Variants in KMT2C observed in about 807,000 individuals in gnomAD.
KMT2C encodes lysine methyltransferase 2C, also known as histone-lysine N-methyltransferase 2C.
In KMT2C, 88 loss-of-function variants were observed where a neutral mutation model predicts 507.9. The observed-to-expected ratio is 0.17, with a 90% CI of 0.15 to 0.21. The LOEUF (loss-of-function observed/expected upper bound fraction) is 0.21. Among genes scored for constraint, KMT2C ranks in the 10% least tolerant of loss-of-function variants. The pLI is 1.00. For synonymous variants in KMT2C, 2,049 were observed against 2,080.8 expected (o/e 0.98, Z 0.42); for missense variants, 4,954 against 5,957.8 (o/e 0.83, Z 5.55).
At chr7:152,275,012 T>A (rs556756707) in intron 6 of KMT2C, among the ~76,000 whole-genome samples, 2 of 152,326 alleles carry the variant, frequency 1.3e-5, no homozygotes, top group African/African-American at 2.4e-5. Flanking sequence ...ACACAGACAG[T>A]TGGACCCTGC....
chr7:152,376,130 G>C (rs1224640364), intron 1 of KMT2C, among the ~76,000 whole-genome samples: 2 of 151,336 alleles, frequency 1.3e-5, no homozygotes, highest in Non-Finnish European at 3.0e-5. Flanking sequence ...AATTGTTTTG[G>C]AACACCATGA....
At chr7:152,283,759 G>A (rs1304882548) in intron 6 of KMT2C, among the ~76,000 whole-genome samples, 1 of 152,068 alleles carries the variant, frequency 6.6e-6, no homozygotes, top group African/African-American at 2.4e-5. Flanking sequence ...CAGATTTCCA[G>A]TACCTGCCAA....
rs2092581307 is a variant in KMT2C, at chr7:152,163,733, G to T, written c.9844C>A (p.Pro3282Thr). The T allele has an allele frequency of 1.3e-5, 21 of 1,614,166 alleles. No homozygotes were observed. The East Asian group carries it at 4.7e-4, about 36-fold the overall frequency. Residue 3282 changes from proline (P) to threonine (T), a missense_variant, in exon 43 of 59, where the codon CCC becomes ACC. This residue lies in a region of KMT2C where 801 missense variants were observed against 751.2 expected (regional missense o/e 1.07). Transcript: ENST00000262189. The stretch of plus-strand genomic sequence containing the variant: ...AGGGGTGGCTGGGGCTGGACACTGG[G>T]CATCATGGTAGGTGGGGCCATTGCA... ...QCAMAPPTMMPSVQPQPPLIP... is the reference protein window; with the variant it reads ...QCAMAPPTMMTSVQPQPPLIP...
At chr7:152,275,727 T>A (rs975203014) in intron 6 of KMT2C, among the ~76,000 whole-genome samples, 2 of 152,208 alleles carry the variant, frequency 1.3e-5, no homozygotes, top group African/African-American at 2.4e-5. Flanking sequence ...ACCTCGGTAG[T>A]CTAAATGTCT....
chr7:152,153,731 T>TAA (rs34303062), intron 48 of KMT2C, among the ~76,000 whole-genome samples: 29 of 129,440 alleles, frequency 2.2e-4, no homozygotes, highest in East Asian at 6.5e-4. Flanking sequence ...GTGTCTCTAT[T>TAA]AAAAAAAAAA....
intron 1 of KMT2C, among the ~76,000 whole-genome samples, chr7:152,377,734 C>CAAAAA (rs59181675): frequency 0.022 from 1,404 of 62,516 alleles, 45 homozygotes; most frequent in African/African-American, 0.065. Flanking sequence ...GACTCCGTCT[C>CAAAAA]AAAAAAAAAA....
At position 152,187,847 on chromosome 7, in the gene KMT2C, T is replaced by C. The variant is rs766537032; in HGVS notation, c.4661A>G (p.Asp1554Gly). The change falls in exon 32 of 59, where the codon GAT becomes GGT. Residue 1554 changes from aspartate (D) to glycine (G), a missense_variant and splice_region_variant. Transcript: ENST00000262189. ...PTQLLPIHNQ[D>G]AFSRMPLMNG... ...CATGAGAGGCATCCGTGAAAAAGCA[T>C]CTTCAGAGAAAAAAATAATTCCGTT... 6 of 1,612,196 alleles carry C rather than the reference T, an allele frequency of 3.7e-6. No individual in the cohort carries two copies. The highest frequency in any genetic ancestry group is 4.5e-5 in the East Asian group (2 of 44,864).
chr7:152,205,148 A>G lies in KMT2C; in HGVS notation c.3919T>C (p.Ser1307Pro). The change falls in exon 25 of 59, where the codon TCC becomes CCC. Residue 1307 changes from serine to proline, a missense_variant. Coordinates refer to ENST00000262189, the MANE Select transcript of KMT2C (RefSeq NM_170606.3). ...KTKRSVIRKD[S>P]SGSISEQLPC... ...AACTGCTCGGAAATAGAGCCTGAGGAATCTTTTCTGATCACAGATCTTTTG... is the reference window on the plus strand; with the variant it reads ...AACTGCTCGGAAATAGAGCCTGAGGGATCTTTTCTGATCACAGATCTTTTG... 1 of 1,612,534 alleles carries G rather than the reference A, an allele frequency of 6.2e-7. No individual in the cohort carries two copies. Among genetic ancestry groups the G allele is most frequent in the Non-Finnish European group, 8.5e-7 (1 of 1,178,962 alleles).
At chr7:152,152,651 T>C (rs1439795156) in intron 49 of KMT2C, 54 bp downstream of exon 49, 2 of 1,599,240 alleles carry the variant, frequency 1.3e-6, no homozygotes, top group Admixed American at 1.7e-5. Context: ...AAGAGTAAGC[T>C]TAACTTTTGA....
In KMT2C at chr7:152,156,470, A is replaced by G. The variant is rs1697354930; in HGVS notation, c.11671-124T>C. ...GGCTACAGAAATGTAATCAAGATGT[A>G]TCTTGCACACCAAGAAAACAATACC... On this transcript the variant is annotated intron_variant, in intron 44 of 58. Coordinates refer to ENST00000262189, the MANE Select transcript of KMT2C (RefSeq NM_170606.3). 4.1e-6 allele frequency: 5 copies of G among 1,208,886 alleles called. No individual in the cohort carries two copies. The Admixed American group carries it at 1.3e-4, about 32-fold the overall frequency. 74.9% of individuals were successfully genotyped at this position (1,208,886 alleles called of 1,614,324 possible).
In KMT2C at chr7:152,224,173, A is replaced by C. The variant is rs575399725; in HGVS notation, c.3165T>G (p.Val1055=). The C allele has an allele frequency of 3.7e-6, 6 of 1,602,170 alleles. 1 individual carries two copies. The Admixed American group carries it at 1.0e-4, about 27-fold the overall frequency. ...PKGGWKCKWC[V]WCRHCGATSA... ...ATGTTGCTCCACAGTGTCTGCACCA[A>C]ACACACCTGAAATCCAAATCCCCCC... Residue 1055 remains valine (V), a synonymous_variant, in exon 20 of 59, where the codon GTT becomes GTG. Coordinates refer to ENST00000262189, the MANE Select transcript of KMT2C (RefSeq NM_170606.3).
chr7:152,221,385 A>G (rs940675967), intron 22 of KMT2C, among the ~76,000 whole-genome samples: 1 of 152,236 alleles, frequency 6.6e-6, no homozygotes, highest in Admixed American at 6.5e-5. Context: ...GCAGGGATCT[A>G]TTTACGTAAG....
At chr7:152,294,810 T>C (rs529429162) in intron 6 of KMT2C, among the ~76,000 whole-genome samples, 1 of 152,362 alleles carries the variant, frequency 6.6e-6, no homozygotes, top group East Asian at 1.9e-4. Flanking sequence ...TAATTTCTAC[T>C]ATACTTCCTG....
chr7:152,396,367 A>G lies in KMT2C; in HGVS notation c.162-37692T>C, dbSNP rs191878600. 1.1e-4 allele frequency among the ~76,000 whole-genome samples: 17 copies of G among 152,322 alleles called. No individual in the cohort carries two copies. In the East Asian group the frequency reaches 2.9e-3, roughly 26 times the overall value. On this transcript the variant is annotated intron_variant, in intron 1 of 58. Transcript: ENST00000262189. Reference sequence around the variant, plus strand: ...TGTCTCACTTCAAGAAATCGAGATAATAACAGTAATTACTTTTTAGGTTGT... The same window carrying G: ...TGTCTCACTTCAAGAAATCGAGATAGTAACAGTAATTACTTTTTAGGTTGT...
At chr7:152,330,536 CTA>C in intron 3 of KMT2C, 63 bp downstream of exon 3, 2 of 1,484,790 alleles carry the variant, frequency 1.3e-6, no homozygotes, top group Non-Finnish European at 1.9e-6. Flanking sequence ...TGAATTTTCT[CTA>C]TAGTCATTTC....
At chr7:152,336,769 TGGTATTTTTCTTG>T (rs1383645801) in intron 2 of KMT2C, among the ~76,000 whole-genome samples, 2 of 152,224 alleles carry the variant, frequency 1.3e-5, no homozygotes, top group Non-Finnish European at 2.9e-5. Context: ...AAATTCAGTG[TGGTATTTTTCTTG>T]AATATAAAAT....
chr7:152,180,742 A>G lies in KMT2C; in HGVS notation c.7118T>C (p.Met2373Thr), dbSNP rs2093408250. ...GVTDTQNTVN[M>T]AQADTEKLRQ... Reference sequence around the variant, plus strand: ...CAATTTCTCTGTATCTGCTTGGGCCATATTTACAGTATTCTGTGTATCAGT... The same window carrying G: ...CAATTTCTCTGTATCTGCTTGGGCCGTATTTACAGTATTCTGTGTATCAGT... Residue 2373 changes from methionine to threonine, a missense_variant, in exon 36 of 59, where the codon ATG (methionine) becomes ACG (threonine). Physicochemically the swap from Met to Thr is moderately conservative, Grantham distance 81. Transcript: ENST00000262189. 1.2e-6 allele frequency: 2 copies of G among 1,613,876 alleles called. No individual in the cohort carries two copies. The highest frequency in any genetic ancestry group is 2.2e-5 in the South Asian group (2 of 91,030).
At chr7:152,185,045 C>CTG (rs1377542980) in intron 34 of KMT2C, among the ~76,000 whole-genome samples, 1 of 152,236 alleles carries the variant, frequency 6.6e-6, no homozygotes, top group African/African-American at 2.4e-5. Flanking sequence ...GTGTGGGTCA[C>CTG]TGTGCCTGGC....
At chr7:152,146,458 C>T in intron 53 of KMT2C, 141 bp downstream of exon 53, 1 of 777,060 alleles carries the variant, frequency 1.3e-6, no homozygotes, top group Admixed American at 2.6e-5. Flanking sequence ...TCACCAATGC[C>T]TTATTCCTCT....
Sources: gnomAD v4.1 joint callset for allele counts (sites outside exome capture counted in the v4.1 genomes callset) on GRCh38, gnomAD v4.1.1 for gene constraint, gnomAD v4.1.1 regional missense constraint, MANE v1.5 for transcripts, NCBI Gene and HGNC (gene_info 2026-07-23, HGNC 2026-07-21) for gene names.